CTNNA3: variants seen among roughly 807,000 people sequenced by gnomAD.
The protein encoded by CTNNA3 is catenin alpha 3, also known as catenin alpha-3.
CTNNA3 carries 76 observed loss-of-function variants against 95.7 expected under a neutral mutation model. The observed-to-expected ratio is 0.79, with a 90% CI of 0.66 to 0.96. The LOEUF (loss-of-function observed/expected upper bound fraction) is 0.96, where lower values mean the gene tolerates loss of function less well. Ranked by LOEUF, CTNNA3 falls within the 40% of genes least tolerant of loss-of-function variation. The pLI, the probability that CTNNA3 is intolerant of heterozygous loss-of-function variation, is 0.00. For synonymous variants in CTNNA3, 431 were observed against 374.4 expected, an observed-to-expected ratio of 1.15 and a Z score of -1.74; for missense variants, 1,191 against 1,089.8, an observed-to-expected ratio of 1.09 and a Z score of -1.31.
chr10:66,682,572 T>C (rs1847103936), intron 9 of CTNNA3, among the ~76,000 whole-genome samples: 1 of 151,806 alleles, frequency 6.6e-6, no homozygotes, highest in Non-Finnish European at 1.5e-5. Context: ...CAGGAGATTC[T>C]CTCAATCACT....
At chr10:66,167,821 TGA>T (rs1188895958) in intron 13 of CTNNA3, among the ~76,000 whole-genome samples, 3 of 152,062 alleles carry the variant, frequency 2.0e-5, no homozygotes, top group Admixed American at 2.0e-4. Context: ...TTGAGGAAAA[TGA>T]AGTGAAGTTA....
At chr10:66,252,175 A>G (rs961099628) in intron 13 of CTNNA3, among the ~76,000 whole-genome samples, 4 of 152,188 alleles carry the variant, frequency 2.6e-5, no homozygotes, top group Admixed American at 6.5e-5. Flanking sequence ...TGTTTCTATG[A>G]TGGTTAAACA....
chr10:67,642,028 A>T (rs936155226), intron 2 of CTNNA3, among the ~76,000 whole-genome samples: 83 of 152,310 alleles, frequency 5.4e-4, no homozygotes, highest in African/African-American at 1.6e-3. Context: ...AATAATAATT[A>T]AAAAACCCAA....
chr10:66,470,762 G>C (rs888776520), intron 11 of CTNNA3, among the ~76,000 whole-genome samples: 1 of 151,866 alleles, frequency 6.6e-6, no homozygotes, highest in Non-Finnish European at 1.5e-5. Context: ...CTAGTCAGCC[G>C]TGTCGATGTG....
intron 5 of CTNNA3, among the ~76,000 whole-genome samples, chr10:67,386,181 C>T (rs1166648034): frequency 1.3e-5 from 2 of 152,290 alleles, no homozygotes; most frequent in East Asian, 3.9e-4. Flanking sequence ...CTTTACATTG[C>T]CATGCACCAT....
chr10:67,335,825 G>GTAAATGTGTGTA lies in CTNNA3; in HGVS notation c.580-115967_580-115956dup, dbSNP rs1316142131. 2.0e-5 allele frequency among the ~76,000 whole-genome samples: 3 copies of GTAAATGTGTGTA among 151,788 alleles called. No homozygotes were observed. The East Asian group carries it at 5.8e-4, about 29-fold the overall frequency. On this transcript the variant is annotated intron_variant, in intron 5 of 17. Coordinates refer to ENST00000433211, the MANE Select transcript of CTNNA3 (RefSeq NM_013266.4). The stretch of plus-strand genomic sequence containing the variant: ...CGACAACGTTGAGAACTTACTGTGT[G>GTAAATGTGTGTA]TAAATGTGTGTATATAACCTTGTTT...
At chr10:67,555,494 G>A (rs762264035) in intron 3 of CTNNA3, among the ~76,000 whole-genome samples, 34 of 152,138 alleles carry the variant, frequency 2.2e-4, no homozygotes, top group Middle Eastern at 3.4e-3. Context: ...GGATTCCTAG[G>A]TATTTTATTC....
At chr10:66,928,516 T>A in intron 7 of CTNNA3, 1 of 1,449,854 alleles carries the variant, frequency 6.9e-7, no homozygotes, top group Non-Finnish European at 9.3e-7. Context: ...TTTATTGAAC[T>A]CTGGTGACTA....
At chr10:66,199,985 A>T (rs985122902) in intron 13 of CTNNA3, among the ~76,000 whole-genome samples, 1 of 150,182 alleles carries the variant, frequency 6.7e-6, no homozygotes, top group Non-Finnish European at 1.5e-5. Context: ...TCCTATGGGC[A>T]TCAAATGAAC....
At chr10:67,221,817 G>T (rs1048822768) in intron 5 of CTNNA3, among the ~76,000 whole-genome samples, 6 of 151,802 alleles carry the variant, frequency 4.0e-5, no homozygotes, top group African/African-American at 9.7e-5. Context: ...CTTGTGATCC[G>T]CCCGCCTCGG....
At chr10:66,126,093 T>C (rs1414697506) in intron 13 of CTNNA3, among the ~76,000 whole-genome samples, 2 of 152,180 alleles carry the variant, frequency 1.3e-5, no homozygotes, top group East Asian at 1.9e-4. Flanking sequence ...AATCTCACTG[T>C]ATGGGGTATG....
intron 10 of CTNNA3, among the ~76,000 whole-genome samples, chr10:66,521,624 T>G (rs1337577049): frequency 1.3e-5 from 2 of 152,162 alleles, no homozygotes; most frequent in Admixed American, 1.3e-4. Context: ...AAAGTTTTGG[T>G]TAATTTTGTC....
chr10:66,551,143 T>G (rs1842203049), intron 10 of CTNNA3, among the ~76,000 whole-genome samples: 1 of 152,164 alleles, frequency 6.6e-6, no homozygotes, highest in African/African-American at 2.4e-5. Flanking sequence ...CCTTTAGCCT[T>G]TTGTTAGCCA....
chr10:66,693,438 C>A (rs28806243), intron 9 of CTNNA3, among the ~76,000 whole-genome samples: 1 of 148,618 alleles, frequency 6.7e-6, no homozygotes, highest in Non-Finnish European at 1.5e-5. Flanking sequence ...GCACCCAATA[C>A]AGGAGCACCC....
intron 10 of CTNNA3, among the ~76,000 whole-genome samples, chr10:66,593,454 G>A (rs533674271): frequency 6.6e-6 from 1 of 152,218 alleles, no homozygotes; most frequent in South Asian, 2.1e-4. Context: ...AACACAGTTG[G>A]ACCACATCAC....
At chr10:67,265,796 G>C (rs1412655602) in intron 5 of CTNNA3, among the ~76,000 whole-genome samples, 1 of 152,122 alleles carries the variant, frequency 6.6e-6, no homozygotes, top group African/African-American at 2.4e-5. Flanking sequence ...CTGGAAACCA[G>C]GCATCTTCCA....
intron 7 of CTNNA3, among the ~76,000 whole-genome samples, chr10:66,891,977 C>T (rs1845285948): frequency 6.6e-6 from 1 of 152,076 alleles, no homozygotes; most frequent in Non-Finnish European, 1.5e-5. Flanking sequence ...AACATGTAAC[C>T]TTGTGCAAAT....
At chr10:66,171,852 G>A (rs976317023) in intron 13 of CTNNA3, among the ~76,000 whole-genome samples, 3 of 151,762 alleles carry the variant, frequency 2.0e-5, no homozygotes, top group African/African-American at 7.3e-5. Context: ...AATCATGAGG[G>A]AACAAAAAAA....
chr10:67,246,880 T>C (rs775786212), intron 5 of CTNNA3, among the ~76,000 whole-genome samples: 2 of 152,198 alleles, frequency 1.3e-5, no homozygotes, highest in African/African-American at 4.8e-5. Context: ...AGTTGTCTAA[T>C]TGTCCGGCTT....
Sources: gnomAD v4.1 joint callset for allele counts (sites outside exome capture counted in the v4.1 genomes callset) on GRCh38, gnomAD v4.1.1 for gene constraint, MANE v1.5 for transcripts, NCBI Gene and HGNC (gene_info 2026-07-23, HGNC 2026-07-21) for gene names.